Variants in UBR3 observed in about 807,000 individuals in gnomAD.
UBR3 encodes ubiquitin protein ligase E3 component n-recognin 3.
Under a neutral mutation model 243.2 loss-of-function variants are expected in UBR3, and 85 were observed. The ratio of observed to expected loss-of-function variants is 0.35; its 90% CI spans 0.29 to 0.42. The LOEUF is 0.42. Ranked by LOEUF, UBR3 falls within the 10% of genes least tolerant of loss-of-function variation. UBR3 has a pLI of 1.00. For synonymous variants in UBR3, 748 were observed against 799.8 expected, an observed-to-expected ratio of 0.94 and a Z score of 1.09; for missense variants, 1,686 against 2,300.8, an observed-to-expected ratio of 0.73 and a Z score of 5.47.
rs2084306808 is a variant in UBR3 at position 169,890,551 on chromosome 2, A to ATGTGTGTG, written c.1039-613_1039-612insGTGTGTGT. Among the ~76,000 whole-genome samples the ATGTGTGTG allele has an allele frequency of 1.8e-3, 180 of 102,028 alleles. 13 individuals are homozygous for ATGTGTGTG. The highest frequency in any genetic ancestry group is 7.3e-3 in the African/African-American group (172 of 23,430). The allele number at this position is 102,028 out of a possible 152,430, so 66.9% of individuals were successfully genotyped here. On this transcript the variant is annotated intron_variant, in intron 5 of 38. Transcript: ENST00000272793. ...GAGAGAGAGAGAGAGATATATATAT[A>ATGTGTGTG]TATATATATATATGTGTATATATAT...
At chr2:169,952,964 T>C (rs1378593028) in intron 23 of UBR3, among the ~76,000 whole-genome samples, 2 of 152,134 alleles carry the variant, frequency 1.3e-5, no homozygotes, top group Non-Finnish European at 2.9e-5. Flanking sequence ...TGGTCTCTCT[T>C]AGTGGTCAGA....
chr2:169,837,656 A>G (rs2082152438), intron 1 of UBR3, among the ~76,000 whole-genome samples: 1 of 152,194 alleles, frequency 6.6e-6, no homozygotes, highest in Admixed American at 6.5e-5. Flanking sequence ...AGATGCTTAT[A>G]AAACCATTAC....
chr2:169,957,102 C>T (rs2087336076), intron 23 of UBR3, among the ~76,000 whole-genome samples: 2 of 152,076 alleles, frequency 1.3e-5, no homozygotes, highest in Admixed American at 1.3e-4. Flanking sequence ...TTTCTTCTTC[C>T]TCTCCTTCAC....
chr2:170,066,551 T>G (rs2091571471), intron 35 of UBR3, among the ~76,000 whole-genome samples: 1 of 152,180 alleles, frequency 6.6e-6, no homozygotes, highest in Non-Finnish European at 1.5e-5. Context: ...CATTAATATA[T>G]CTCCTTTTTT....
At chr2:169,920,645 A>G (rs1048580530) in intron 11 of UBR3, among the ~76,000 whole-genome samples, 16 of 152,182 alleles carry the variant, frequency 1.1e-4, no homozygotes, top group Non-Finnish European at 1.9e-4. Flanking sequence ...ATGTGGTGAA[A>G]TACTGCCTTT....
At chr2:169,957,990 A>AT (rs2087388022) in intron 23 of UBR3, among the ~76,000 whole-genome samples, 1 of 152,198 alleles carries the variant, frequency 6.6e-6, no homozygotes, top group African/African-American at 2.4e-5. Flanking sequence ...AACAGTAAAT[A>AT]TGACTATTCC....
intron 19 of UBR3, among the ~76,000 whole-genome samples, chr2:169,933,264 C>T (rs897305731): frequency 2.6e-5 from 4 of 152,076 alleles, no homozygotes; most frequent in African/African-American, 9.7e-5. Flanking sequence ...GTTGCTGTTC[C>T]ATCAGTGGAA....
At chr2:170,000,667 C>T (rs1186319500) in intron 26 of UBR3, among the ~76,000 whole-genome samples, 1 of 152,146 alleles carries the variant, frequency 6.6e-6, no homozygotes, top group Admixed American at 6.5e-5. Flanking sequence ...TTCTGAGTGG[C>T]ATGAGTACTT....
intron 31 of UBR3, among the ~76,000 whole-genome samples, chr2:170,030,506 T>C (rs1181772885): frequency 6.6e-6 from 1 of 152,160 alleles, no homozygotes; most frequent in Non-Finnish European, 1.5e-5. Context: ...TTATTTCTTT[T>C]TTGTTACTTG....
chr2:169,864,906 CAAAAAAAAA>C (rs11336906), intron 1 of UBR3, among the ~76,000 whole-genome samples: 3 of 64,840 alleles, frequency 4.6e-5, no homozygotes, highest in Non-Finnish European at 3.0e-5. Context: ...GACTCCGTCT[CAAAAAAAAA>C]AAAAAAAAAA....
In UBR3 at chr2:169,983,252, C is replaced by CTTTTTTTTTTTTTTTTTTTTT. The variant is rs72194627; in HGVS notation, c.3635-3391_3635-3371dup. Among the ~76,000 whole-genome samples, 17 of 71,984 alleles carry CTTTTTTTTTTTTTTTTTTTTT rather than the reference C, an allele frequency of 2.4e-4. 1 individual carries two copies. The highest frequency in any genetic ancestry group is 9.5e-4 in the African/African-American group (16 of 16,902). The allele number at this position is 71,984 out of a possible 152,430, so 47.2% of individuals were successfully genotyped here. A position where few individuals can be genotyped will look rare whatever the true frequency, so the allele number is the denominator to read the frequency against. ...TGTTGTTTTTGCCACATTCTCTCTC[C>CTTTTTTTTTTTTTTTTTTTTT]TTTTTTTTTTTTTTTTTTTTTTGAG... On this transcript the variant is annotated intron_variant, in intron 24 of 38. Coordinates refer to ENST00000272793, the MANE Select transcript of UBR3 (RefSeq NM_172070.4).
At chr2:170,078,221 C>A in intron 36 of UBR3, 1 of 487,350 alleles carries the variant, frequency 2.1e-6, no homozygotes, top group South Asian at 1.8e-5. Context: ...TTCCTTCTTT[C>A]CCTTTTTCTC....
At position 169,856,804 on chromosome 2, in the gene UBR3, C is replaced by T. The variant is rs943729276; in HGVS notation, c.546-15432C>T. Among the ~76,000 whole-genome samples, 24 of 132,660 alleles carry T rather than the reference C, an allele frequency of 1.8e-4. No homozygotes were observed. In the Admixed American group the frequency reaches 1.9e-3, roughly 10 times the overall value. The allele number at this position is 132,660 out of a possible 152,430, so 87.0% of individuals were successfully genotyped here. A position where few individuals can be genotyped will look rare whatever the true frequency, so the allele number is the denominator to read the frequency against. ...GCAGTACAGTCCAGCCTCGGCTTGGCATCAGAGGGAGACCGTGCAAAGGGG... is the reference window on the plus strand; with the variant it reads ...GCAGTACAGTCCAGCCTCGGCTTGGTATCAGAGGGAGACCGTGCAAAGGGG... On this transcript the variant is annotated intron_variant, in intron 1 of 38. Transcript: ENST00000272793.
chr2:169,851,720 A>C (rs941609558), intron 1 of UBR3, among the ~76,000 whole-genome samples: 1 of 151,478 alleles, frequency 6.6e-6, no homozygotes, highest in Non-Finnish European at 1.5e-5. Flanking sequence ...AAAAACTAGT[A>C]CTAGTGACTC....
intron 24 of UBR3, among the ~76,000 whole-genome samples, chr2:169,980,657 T>A (rs2088681620): frequency 1.3e-5 from 2 of 151,986 alleles, no homozygotes; most frequent in Non-Finnish European, 2.9e-5. Flanking sequence ...AGGGTACATG[T>A]GCACAAAGTG....
chr2:170,009,285 T>C (rs2090014989), intron 29 of UBR3, among the ~76,000 whole-genome samples: 1 of 152,132 alleles, frequency 6.6e-6, no homozygotes, highest in Admixed American at 6.5e-5. Flanking sequence ...TTGTAATATG[T>C]TAAACACTTT....
chr2:169,996,699 T>G (rs1222400571), intron 26 of UBR3, among the ~76,000 whole-genome samples: 1 of 146,682 alleles, frequency 6.8e-6, no homozygotes, highest in African/African-American at 2.5e-5. Flanking sequence ...TTTTGTTTTT[T>G]TTTTTTTTTT....
chr2:169,948,082 T>A (rs1452929852), intron 22 of UBR3: 1 of 333,606 alleles, frequency 3.0e-6, no homozygotes, highest in Non-Finnish European at 4.3e-6. Flanking sequence ...TATGTGTGTT[T>A]TTTTTTTTTG....
chr2:169,876,580 CAG>C (rs1306773331), intron 3 of UBR3, among the ~76,000 whole-genome samples: 3 of 85,182 alleles, frequency 3.5e-5, no homozygotes, highest in African/African-American at 1.2e-4. Flanking sequence ...TTTTTTGAGA[CAG>C]AGTCTTGCTC....
Sources: allele counts gnomAD v4.1 joint callset (sites outside exome capture counted in the v4.1 genomes callset), GRCh38; gene constraint gnomAD v4.1.1; transcripts MANE v1.5; gene names NCBI Gene and HGNC (gene_info 2026-07-23, HGNC 2026-07-21).